SNTG2: variants seen among roughly 807,000 people sequenced by gnomAD.
SNTG2 encodes gamma-2-syntrophin.
Under a neutral mutation model 70.9 loss-of-function variants are expected in SNTG2, and 74 were observed. That is an observed-to-expected ratio of 1.04 (90% confidence interval 0.86 to 1.27). The LOEUF (loss-of-function observed/expected upper bound fraction) is 1.27. Among genes scored for constraint, SNTG2 ranks in the 50% most tolerant of loss-of-function variants. The pLI, the probability that SNTG2 is intolerant of heterozygous loss-of-function variation, is 0.00. For missense variants in SNTG2, 717 were observed against 690.7 expected, an observed-to-expected ratio of 1.04 and a Z score of -0.43; for synonymous variants, 278 against 273.8, an observed-to-expected ratio of 1.02 and a Z score of -0.15.
At chr2:1,160,558 G>A (rs28698039) in intron 6 of SNTG2, 96,316 of 151,956 alleles carry the variant, frequency 0.63, 33,110 homozygotes, top group Non-Finnish European at 0.8. Flanking sequence ...CACCAACTTC[G>A]TGTCCTGGGC....
At chr2:1,128,300 A>G (rs1667825515) in intron 4 of SNTG2, among the ~76,000 whole-genome samples, 1 of 152,092 alleles carries the variant, frequency 6.6e-6, no homozygotes, top group African/African-American at 2.4e-5. Context: ...TATTCATTTC[A>G]CCATTTGGGG....
chr2:1,137,502 G>GCACACACACA, intron 4 of SNTG2, 120 bp from the exon 5 acceptor site: 1 of 845,386 alleles, frequency 1.2e-6, no homozygotes, highest in Non-Finnish European at 1.9e-6. Context: ...GTGGACACAT[G>GCACACACACA]CACACACACA....
At chr2:1,035,882 A>AT (rs905446503) in intron 1 of SNTG2, among the ~76,000 whole-genome samples, 30 of 152,112 alleles carry the variant, frequency 2.0e-4, no homozygotes, top group Admixed American at 6.5e-4. Flanking sequence ...TGGGAAATCT[A>AT]TTTTTTTCCA....
chr2:1,249,891 C>T (rs1028517356), intron 12 of SNTG2, among the ~76,000 whole-genome samples: 2 of 152,084 alleles, frequency 1.3e-5, no homozygotes, highest in African/African-American at 2.4e-5. Context: ...TCACACTGGC[C>T]GGGCAGTGCA....
chr2:1,184,777 G>A (rs1672145380), intron 8 of SNTG2, among the ~76,000 whole-genome samples: 1 of 152,152 alleles, frequency 6.6e-6, no homozygotes, highest in Non-Finnish European at 1.5e-5. Flanking sequence ...AATTCAACAT[G>A]AGATTTGGGC....
intron 1 of SNTG2, among the ~76,000 whole-genome samples, chr2:1,052,049 A>T (rs1662107305): frequency 6.7e-6 from 1 of 148,200 alleles, no homozygotes; most frequent in Non-Finnish European, 1.5e-5. Context: ...TTTATTTAGG[A>T]TTTTTTTTAT....
At chr2:951,229 G>A (rs1284140107) in intron 1 of SNTG2, among the ~76,000 whole-genome samples, 161 bp downstream of exon 1, 2 of 152,098 alleles carry the variant, frequency 1.3e-5, no homozygotes, top group Admixed American at 6.5e-5. Context: ...GGAGCCCCGG[G>A]ACGCAGTGGG....
At chr2:964,020 A>G (rs1660444735) in intron 1 of SNTG2, among the ~76,000 whole-genome samples, 1 of 152,092 alleles carries the variant, frequency 6.6e-6, no homozygotes. Flanking sequence ...AGGCTCAGCG[A>G]TCCACGCAGT....
chr2:1,031,528 A>ATATATATATATATATTTT, intron 1 of SNTG2, among the ~76,000 whole-genome samples: 4 of 59,122 alleles, frequency 6.8e-5, no homozygotes, highest in African/African-American at 3.3e-4. Context: ...ATATATATAT[A>ATATATATATATATATTTT]TTTTTTTTTT....
At chr2:1,235,446 G>T (rs1268514560) in intron 9 of SNTG2, among the ~76,000 whole-genome samples, 1 of 57,326 alleles carries the variant, frequency 1.7e-5, no homozygotes, top group Non-Finnish European at 3.3e-5. Context: ...GAGAGGGGGC[G>T]CCCCTACCCC....
At chr2:1,000,892 C>A (rs1659360353) in intron 1 of SNTG2, among the ~76,000 whole-genome samples, 1 of 151,854 alleles carries the variant, frequency 6.6e-6, no homozygotes, top group African/African-American at 2.4e-5. Context: ...TAAAATCCAG[C>A]AGCATGTCAA....
intron 1 of SNTG2, among the ~76,000 whole-genome samples, chr2:1,069,502 A>C (rs370022922): frequency 1.3e-5 from 2 of 149,596 alleles, no homozygotes; most frequent in Non-Finnish European, 3.0e-5. Flanking sequence ...AAAAAAAAAA[A>C]CAAAAACAGG....
chr2:1,304,807 T>A (rs1050078091), intron 14 of SNTG2, among the ~76,000 whole-genome samples: 2 of 152,170 alleles, frequency 1.3e-5, no homozygotes, highest in African/African-American at 4.8e-5. Flanking sequence ...CAGGTAATTC[T>A]GTGCTTTATA....
chr2:1,119,885 CAAT>C (rs1667274742), intron 4 of SNTG2, among the ~76,000 whole-genome samples: 1 of 152,038 alleles, frequency 6.6e-6, no homozygotes, highest in Non-Finnish European at 1.5e-5. Context: ...CCTTTTCTAT[CAAT>C]AATCACTTTG....
At chr2:970,754 C>T (rs1660712474) in intron 1 of SNTG2, among the ~76,000 whole-genome samples, 2 of 151,180 alleles carry the variant, frequency 1.3e-5, no homozygotes, top group Non-Finnish European at 2.9e-5. Context: ...TTTATAGCAG[C>T]ATGATTTATA....
chr2:1,335,515 T>C (rs78377464), intron 16 of SNTG2, among the ~76,000 whole-genome samples: 7,027 of 152,178 alleles, frequency 0.046, 549 homozygotes, highest in African/African-American at 0.16. Flanking sequence ...ACAATAGCCA[T>C]GTAGGTAAGT....
intron 1 of SNTG2, among the ~76,000 whole-genome samples, chr2:1,078,101 T>C (rs1236643637): frequency 1.3e-5 from 2 of 152,218 alleles, no homozygotes; most frequent in Non-Finnish European, 2.9e-5. Flanking sequence ...TGGATTTTTA[T>C]TGGAACTGCA....
chr2:1,023,715 G>A (rs1487035377), intron 1 of SNTG2, among the ~76,000 whole-genome samples: 1 of 152,178 alleles, frequency 6.6e-6, no homozygotes, highest in Admixed American at 6.5e-5. Context: ...CAGCACATCT[G>A]CACCCCGCGT....
intron 9 of SNTG2, among the ~76,000 whole-genome samples, chr2:1,236,170 C>T (rs1018391138): frequency 6.6e-6 from 1 of 152,200 alleles, no homozygotes; most frequent in Admixed American, 6.5e-5. Context: ...TTAGTTAGCA[C>T]TTACTTTAAT....
Sources: gnomAD v4.1 joint callset for allele counts (sites outside exome capture counted in the v4.1 genomes callset) on GRCh38, gnomAD v4.1.1 for gene constraint, MANE v1.5 for transcripts, NCBI Gene and HGNC (gene_info 2026-07-23, HGNC 2026-07-21) for gene names.